Variants in PRELP observed in about 807,000 individuals in gnomAD.
PRELP encodes the protein proline and arginine rich end leucine rich repeat protein.
Under a neutral mutation model 22.8 loss-of-function variants are expected in PRELP, and 16 were observed. That is an observed-to-expected ratio of 0.70 (90% CI 0.47 to 1.06). PRELP has a LOEUF of 1.06. Among genes scored for constraint, PRELP ranks in the 50% least tolerant of loss-of-function variants. PRELP has a pLI of 0.00. For synonymous variants in PRELP, 233 were observed against 211.4 expected (o/e 1.10, Z -0.89); for missense variants, 434 against 485.2 (o/e 0.89, Z 0.99).
At chr1:203,484,407 G>A (rs1229329959) in intron 2 of PRELP, among the ~76,000 whole-genome samples, 2 of 152,260 alleles carry the variant, frequency 1.3e-5, no homozygotes, top group Non-Finnish European at 2.9e-5. Flanking sequence ...ATATGAGGAT[G>A]TAATAGTTTA....
At chr1:203,479,518 C>T (rs1660962514) in intron 1 of PRELP, among the ~76,000 whole-genome samples, 1 of 151,668 alleles carries the variant, frequency 6.6e-6, no homozygotes, top group South Asian at 2.1e-4. Flanking sequence ...GCCTGGGCAA[C>T]ATGGTAAAAC....
At chr1:203,477,344 G>A (rs1258778446) in intron 1 of PRELP, among the ~76,000 whole-genome samples, 1 of 152,226 alleles carries the variant, frequency 6.6e-6, no homozygotes, top group Admixed American at 6.5e-5. Flanking sequence ...TGGAAAAGGA[G>A]CACCAGAGTG....
Position 203,483,113 on chromosome 1 carries a change from GACA to G in PRELP, c.-16-53_-16-51del. ...TGCCCAACTCTGGCTTCAAAAACATGACAACTAGTTACTGAGGGCCCAAGGATA... is the reference window on the plus strand; with the variant it reads ...TGCCCAACTCTGGCTTCAAAAACATGACTAGTTACTGAGGGCCCAAGGATA... On this transcript the variant is annotated intron_variant, in intron 1 of 2. Transcript: ENST00000343110. The surrounding 1 kb of genome is among the most constrained non-coding windows in gnomAD (Gnocchi z 4.4). The G allele has an allele frequency of 7.2e-7, 1 of 1,395,744 alleles. No individual in the cohort carries two copies. Among genetic ancestry groups the G allele is most frequent in the African/African-American group, 1.4e-5 (1 of 69,130 alleles). 86.5% of individuals were successfully genotyped at this position (1,395,744 alleles called of 1,614,324 possible).
At chr1:203,477,196 C>G (rs1660925687) in intron 1 of PRELP, among the ~76,000 whole-genome samples, 1 of 152,020 alleles carries the variant, frequency 6.6e-6, no homozygotes, top group Admixed American at 6.6e-5. Context: ...GAATCGAGAC[C>G]CAGGAATCTT....
At chr1:203,479,173 G>C (rs376284814) in intron 1 of PRELP, among the ~76,000 whole-genome samples, 2 of 152,184 alleles carry the variant, frequency 1.3e-5, no homozygotes, top group Non-Finnish European at 2.9e-5. Flanking sequence ...TTCAGAGTGC[G>C]GCGTAACCCT....
chr1:203,486,644 C>A, intron 2 of PRELP, 62 bp from the exon 3 acceptor site: 1 of 1,493,394 alleles, frequency 6.7e-7, no homozygotes, highest in South Asian at 1.2e-5. Flanking sequence ...TCCCCCTTCC[C>A]CTTCCTCATC....
intron 1 of PRELP, among the ~76,000 whole-genome samples, chr1:203,477,853 A>G (rs1660938684): frequency 6.6e-6 from 1 of 152,222 alleles, no homozygotes; most frequent in South Asian, 2.1e-4. Flanking sequence ...TTGGTGAATT[A>G]GAAAGACAGA....
chr1:203,481,000 T>C (rs1306698723), intron 1 of PRELP, among the ~76,000 whole-genome samples: 1 of 139,614 alleles, frequency 7.2e-6, no homozygotes, highest in African/African-American at 2.9e-5. Context: ...GCCCTGGCAC[T>C]GAGCCAAGGA....
In PRELP at chr1:203,489,114, A is replaced by T. The variant is rs772078551; in HGVS notation, c.*2233A>T. 4 of 152,502 alleles carry T rather than the reference A, an allele frequency of 2.6e-5. No individual in the cohort carries two copies. Among genetic ancestry groups the T allele is most frequent in the Non-Finnish European group, 5.9e-5 (4 of 68,016 alleles). 9.4% of individuals were successfully genotyped at this position (152,502 alleles called of 1,614,324 possible). A position where few individuals can be genotyped will look rare whatever the true frequency, so the allele number is the denominator to read the frequency against. ...TTCAAGGCTCCTGCTTAAAGTCCAC[A>T]CGTTATTATGGCCGAAAGCAACCTG... On this transcript the variant is annotated 3_prime_UTR_variant, in exon 3 of 3. Transcript: ENST00000343110.
chr1:203,483,751 T>C lies in PRELP; in HGVS notation c.567T>C (p.Gly189=), dbSNP rs777640156. 1.4e-5 allele frequency: 23 copies of C among 1,614,062 alleles called. No individual in the cohort carries two copies. The African/African-American group carries it at 2.8e-4, about 20-fold the overall frequency. Residue 189 remains glycine (G), a synonymous_variant, in exon 2 of 3, where the codon GGT becomes GGC. Transcript: ENST00000343110. This position sits in a 1 kb window ranked among gnomAD's most constrained non-coding sequence, Gnocchi z 4.4. Reference sequence around the variant, plus strand: ...ACCACATCTCCAGAATCCCGCCTGGTGTCTTCAGCAAGCTGGAGAACCTGC... The same window carrying C: ...ACCACATCTCCAGAATCCCGCCTGGCGTCTTCAGCAAGCTGGAGAACCTGC... The part of the protein sequence containing the change: ...SQNHISRIPP[G]VFSKLENLLL...
intron 2 of PRELP, 24 bp downstream of exon 2, chr1:203,484,181 G>GGGGGC: frequency 6.6e-7 from 1 of 1,511,610 alleles, no homozygotes; most frequent in East Asian, 2.3e-5. Flanking sequence ...GCCGGGGCGG[G>GGGGGC]GCCGAAGGCA....
rs1040407129 is a variant in PRELP, at chr1:203,491,196, C to G, written c.*4315C>G. ...CCCACTGAACACCTTGCAACCCCCA[C>G]CCCTGGCCACCAGAGAACAACCCCC... is the stretch of plus-strand genomic sequence containing the variant. On this transcript the variant is annotated 3_prime_UTR_variant, in exon 3 of 3. Transcript: ENST00000343110. The surrounding 1 kb of genome is among the most constrained non-coding windows in gnomAD (Gnocchi z 4.4). 4 of 152,150 alleles carry G rather than the reference C, an allele frequency of 2.6e-5. No individual in the cohort carries two copies. Among genetic ancestry groups the G allele is most frequent in the African/African-American group, 9.7e-5 (4 of 41,416 alleles). The allele number at this position is 152,150 out of a possible 1,614,324, so 9.4% of individuals were successfully genotyped here.
intron 2 of PRELP, among the ~76,000 whole-genome samples, chr1:203,484,655 C>T (rs915566854): frequency 6.6e-6 from 1 of 152,188 alleles, no homozygotes; most frequent in Non-Finnish European, 1.5e-5. Flanking sequence ...CAAGCCTGAG[C>T]CTGGGTTTTG....
At position 203,487,090 on chromosome 1, in the gene PRELP, A is replaced by ACAC. The variant is rs1243076773; in HGVS notation, c.*211_*213dup. ...CAGTTTGGTTCCACCCAGTTGAAAG[A>ACAC]CACCCAGTGCACACCCAAACTCCTG... On this transcript the variant is annotated 3_prime_UTR_variant, in exon 3 of 3. Transcript: ENST00000343110. 7 of 569,174 alleles carry ACAC rather than the reference A, an allele frequency of 1.2e-5. No individual in the cohort carries two copies. Among genetic ancestry groups the ACAC allele is most frequent in the Non-Finnish European group, 1.8e-5 (6 of 331,378 alleles). The allele number at this position is 569,174 out of a possible 1,614,324, so 35.3% of individuals were successfully genotyped here. A position where few individuals can be genotyped will look rare whatever the true frequency, so the allele number is the denominator to read the frequency against.
chr1:203,486,676 C>A, intron 2 of PRELP, 30 bp from the exon 3 acceptor site: 1 of 1,591,516 alleles, frequency 6.3e-7, no homozygotes, highest in Non-Finnish European at 8.6e-7. Context: ...CCTCCACTCC[C>A]TTCTGATTTC....
At chr1:203,481,305 T>C (rs1012635995) in intron 1 of PRELP, among the ~76,000 whole-genome samples, 2 of 152,194 alleles carry the variant, frequency 1.3e-5, no homozygotes, top group African/African-American at 4.8e-5. Context: ...ATACCAATGC[T>C]TTAACTACCC....
At chr1:203,482,731 G>T (rs1460920583) in intron 1 of PRELP, among the ~76,000 whole-genome samples, 2 of 150,784 alleles carry the variant, frequency 1.3e-5, no homozygotes, top group African/African-American at 2.4e-5. Context: ...CCAAGTAGCT[G>T]GGATTACAGG....
rs749475106 is a variant in PRELP, at chr1:203,483,775, G to C, written c.591G>C (p.Leu197=). ...GTGTCTTCAGCAAGCTGGAGAACCT[G>C]CTGCTCCTGGATCTCCAGCACAACA... The part of the protein sequence containing the change: ...PPGVFSKLEN[L]LLLDLQHNRL... Residue 197 remains leucine (L), a synonymous_variant, in exon 2 of 3, where the codon CTG becomes CTC. Transcript: ENST00000343110. The surrounding 1 kb of genome is among the most constrained non-coding windows in gnomAD (Gnocchi z 4.4). The C allele has an allele frequency of 9.9e-6, 16 of 1,614,208 alleles. No individual in the cohort carries two copies. The highest frequency in any genetic ancestry group is 3.3e-4 in the Middle Eastern group (2 of 6,062).
Position 203,484,038 on chromosome 1 carries a change from A to G in PRELP, c.854A>G (p.Lys285Arg), listed in dbSNP as rs1661055364. The G allele has an allele frequency of 6.2e-7, 1 of 1,614,216 alleles. No individual in the cohort carries two copies. Among genetic ancestry groups the G allele is most frequent in the Non-Finnish European group, 8.5e-7 (1 of 1,180,050 alleles). Residue 285 changes from lysine (K) to arginine (R), a missense_variant, in exon 2 of 3, where the codon AAG (lysine) becomes AGG (arginine). Transcript: ENST00000343110. ...YNKLTDRGLP[K>R]NSFNISNLLV... is the part of the protein sequence containing the mutation. ...AAGCTGACAGACAGGGGACTCCCCA[A>G]GAACTCCTTTAATATCTCCAACCTG...
Sources: gnomAD v4.1 joint callset for allele counts (sites outside exome capture counted in the v4.1 genomes callset) on GRCh38, gnomAD v4.1.1 for gene constraint, Gnocchi (gnomAD v3.1) non-coding constraint, MANE v1.5 for transcripts, NCBI Gene and HGNC (gene_info 2026-07-23, HGNC 2026-07-21) for gene names.